The following PTPRN2 variants were observed in gnomAD, a reference collection of about 807,000 sequenced individuals.
PTPRN2 encodes the protein receptor-type tyrosine-protein phosphatase N2.
Under a neutral mutation model 118.8 loss-of-function variants are expected in PTPRN2, and 74 were observed. That is an observed-to-expected ratio of 0.62 (90% CI 0.52 to 0.76). The LOEUF is 0.76. Among genes scored for constraint, PTPRN2 ranks in the 30% least tolerant of loss-of-function variants. The probability of loss-of-function intolerance (pLI) is 0.00; values close to 1 mark genes in which losing one functional copy is unlikely to be tolerated. For synonymous variants in PTPRN2, 641 were observed against 608.0 expected (o/e 1.05, Z -0.80); for missense variants, 1,481 against 1,394.4 (o/e 1.06, Z -0.99).
chr7:158,252,132 C>T (rs1796722228), intron 3 of PTPRN2, among the ~76,000 whole-genome samples: 1 of 152,192 alleles, frequency 6.6e-6, no homozygotes, highest in Non-Finnish European at 1.5e-5. Context: ...GCCATGGCAA[C>T]TCTGCTCTGG....
At chr7:158,536,440 G>A (rs1275877103) in intron 1 of PTPRN2, among the ~76,000 whole-genome samples, 1 of 151,684 alleles carries the variant, frequency 6.6e-6, no homozygotes, top group Admixed American at 6.6e-5. Flanking sequence ...GACTCAGGAA[G>A]ACCCCACAAG....
intron 2 of PTPRN2, among the ~76,000 whole-genome samples, chr7:158,457,901 C>T (rs1818657013): frequency 6.6e-6 from 1 of 152,232 alleles, no homozygotes; most frequent in Non-Finnish European, 1.5e-5. Context: ...TATTTACACC[C>T]TGAGTGTTCT....
intron 11 of PTPRN2, among the ~76,000 whole-genome samples, chr7:157,920,376 G>A (rs1170443353): frequency 6.6e-6 from 1 of 152,130 alleles, no homozygotes; most frequent in Non-Finnish European, 1.5e-5. Flanking sequence ...CACCTCCCAG[G>A]AGCGCCAGCA....
At chr7:158,422,607 C>T (rs1291862131) in intron 2 of PTPRN2, among the ~76,000 whole-genome samples, 1 of 152,260 alleles carries the variant, frequency 6.6e-6, no homozygotes, top group African/African-American at 2.4e-5. Context: ...CACGGGATGT[C>T]ATACCTGGGC....
chr7:158,208,098 G>T (rs1361690791), intron 3 of PTPRN2, among the ~76,000 whole-genome samples: 1 of 152,144 alleles, frequency 6.6e-6, no homozygotes, highest in African/African-American at 2.4e-5. Context: ...TATGCCGTCA[G>T]AGGAGACCAA....
intron 3 of PTPRN2, among the ~76,000 whole-genome samples, chr7:158,251,378 G>T (rs1796644442): frequency 6.6e-6 from 1 of 152,034 alleles, no homozygotes; most frequent in Admixed American, 6.5e-5. Context: ...GGCGTGTGCA[G>T]GTGTGCAATG....
intron 11 of PTPRN2, among the ~76,000 whole-genome samples, chr7:157,960,472 A>G (rs1454116019): frequency 2.6e-5 from 4 of 152,220 alleles, no homozygotes; most frequent in African/African-American, 9.6e-5. Context: ...AAGAACAGAT[A>G]AAATATAGAT....
intron 2 of PTPRN2, among the ~76,000 whole-genome samples, chr7:158,326,522 CACAT>C (rs1489065638): frequency 6.6e-6 from 1 of 152,246 alleles, no homozygotes; most frequent in African/African-American, 2.4e-5. Context: ...TGTATGCAGA[CACAT>C]GCACATATGC....
chr7:158,477,225 G>A (rs899613105), intron 2 of PTPRN2, among the ~76,000 whole-genome samples: 7 of 152,166 alleles, frequency 4.6e-5, no homozygotes, highest in African/African-American at 1.7e-4. Context: ...CATCTTAGAT[G>A]GTCCGGTTCA....
intron 11 of PTPRN2, among the ~76,000 whole-genome samples, chr7:157,937,807 A>G (rs1339394192): frequency 6.6e-6 from 1 of 152,240 alleles, no homozygotes; most frequent in African/African-American, 2.4e-5. Context: ...AGTCCTGCGT[A>G]TCTGCAATCT....
At chr7:158,503,686 T>C (rs970920021) in intron 1 of PTPRN2, among the ~76,000 whole-genome samples, 9 of 152,208 alleles carry the variant, frequency 5.9e-5, no homozygotes, top group African/African-American at 2.2e-4. Flanking sequence ...TCACTCTGTC[T>C]GCACCTGTTC....
chr7:158,270,374 A>C (rs976356980), intron 3 of PTPRN2, among the ~76,000 whole-genome samples: 6 of 152,082 alleles, frequency 3.9e-5, no homozygotes, highest in Admixed American at 6.5e-5. Context: ...TCTCGGGGTG[A>C]GGACGCCTCC....
intron 13 of PTPRN2, among the ~76,000 whole-genome samples, chr7:157,659,433 C>T (rs1451945565): frequency 1.1e-5 from 1 of 91,508 alleles, no homozygotes; most frequent in African/African-American, 4.4e-5. Context: ...AGGTGGATAG[C>T]CGCAGGGACA....
chr7:157,712,216 T>C (rs1375789355), intron 12 of PTPRN2, among the ~76,000 whole-genome samples: 1 of 152,142 alleles, frequency 6.6e-6, no homozygotes, highest in Non-Finnish European at 1.5e-5. Flanking sequence ...GCTCAGATCT[T>C]TGATTAAGAA....
intron 2 of PTPRN2, among the ~76,000 whole-genome samples, chr7:158,401,142 C>T (rs538130349): frequency 1.2e-4 from 18 of 152,284 alleles, no homozygotes; most frequent in African/African-American, 2.4e-4. Flanking sequence ...GTGATGCCTG[C>T]GGTGCCAGGG....
At chr7:157,701,552 C>T (rs1160928927) in intron 12 of PTPRN2, among the ~76,000 whole-genome samples, 2 of 152,202 alleles carry the variant, frequency 1.3e-5, no homozygotes, top group Non-Finnish European at 2.9e-5. Flanking sequence ...TCTGCTCCGG[C>T]AGCTCCAGAT....
At chr7:158,479,710 C>T (rs969438800) in intron 2 of PTPRN2, among the ~76,000 whole-genome samples, 1 of 152,232 alleles carries the variant, frequency 6.6e-6, no homozygotes, top group Admixed American at 6.5e-5. Flanking sequence ...AATGCTGAGG[C>T]CACATGGCGG....
At chr7:158,068,523 G>A (rs1287892453) in intron 11 of PTPRN2, among the ~76,000 whole-genome samples, 1 of 152,222 alleles carries the variant, frequency 6.6e-6, no homozygotes, top group Non-Finnish European at 1.5e-5. Context: ...GCCTGCATTG[G>A]TACGGCTTCA....
chr7:157,899,451 A>G (rs1797314662), intron 11 of PTPRN2, among the ~76,000 whole-genome samples: 1 of 152,326 alleles, frequency 6.6e-6, no homozygotes, highest in African/African-American at 2.4e-5. Flanking sequence ...TCACAAGGCA[A>G]TTGACCTTGG....
Sources: gnomAD v4.1 joint callset for allele counts (sites outside exome capture counted in the v4.1 genomes callset) on GRCh38, gnomAD v4.1.1 for gene constraint, MANE v1.5 for transcripts, NCBI Gene and HGNC (gene_info 2026-07-23, HGNC 2026-07-21) for gene names.